The following IL16 variants were observed in gnomAD, a reference collection of about 807,000 sequenced individuals.
IL16 encodes pro-interleukin-16.
IL16 carries 67 observed loss-of-function variants against 110.1 expected under a neutral mutation model. That is an observed-to-expected ratio of 0.61 (90% CI 0.50 to 0.75). IL16 has a LOEUF of 0.75. Ranked by LOEUF, IL16 falls within the 30% of genes least tolerant of loss-of-function variation. IL16 has a pLI of 0.00. For synonymous variants in IL16, 689 were observed against 662.9 expected, an observed-to-expected ratio of 1.04 and a Z score of -0.61; for missense variants, 1,545 against 1,655.0, an observed-to-expected ratio of 0.93 and a Z score of 1.15.
At chr15:81,252,684 C>G (rs575590669) in intron 2 of IL16, among the ~76,000 whole-genome samples, 8 of 152,318 alleles carry the variant, frequency 5.3e-5, no homozygotes, top group African/African-American at 1.9e-4. Flanking sequence ...AATCCACTTT[C>G]TATCTATAGA....
chr15:81,259,493 C>G (rs927114689), intron 2 of IL16, among the ~76,000 whole-genome samples: 2 of 152,202 alleles, frequency 1.3e-5, no homozygotes, highest in Non-Finnish European at 2.9e-5. Context: ...TAACAAAGAA[C>G]TTGACATCTA....
rs1308897270 is a variant in IL16 at position 81,303,715 on chromosome 15, C to T, written c.3420+65C>T. On this transcript the variant is annotated intron_variant, in intron 16 of 18. Transcript: ENST00000683961. The surrounding 1 kb of genome is among the most constrained non-coding windows in gnomAD (Gnocchi z 4.1). ...AATGGTTCTGGGGGAGGGGGACACA[C>T]TTGCCAGGAAGGGGCCCTGTGCTGG... 13 of 1,104,606 alleles carry T rather than the reference C, an allele frequency of 1.2e-5. No homozygotes were observed. Among genetic ancestry groups the T allele is most frequent in the Non-Finnish European group, 1.8e-5 (13 of 720,354 alleles). 68.4% of individuals were successfully genotyped at this position (1,104,606 alleles called of 1,614,324 possible).
chr15:81,298,695 G>A (rs987444622), intron 13 of IL16, among the ~76,000 whole-genome samples: 4 of 152,228 alleles, frequency 2.6e-5, no homozygotes, highest in African/African-American at 4.8e-5. Context: ...CAGCTTTTGA[G>A]GGAGGGAAAA....
chr15:81,247,991 C>A (rs537053534), intron 2 of IL16, among the ~76,000 whole-genome samples: 56 of 152,224 alleles, frequency 3.7e-4, no homozygotes, highest in African/African-American at 1.2e-3. Flanking sequence ...AACCTTACTG[C>A]TTTTTGTCTG....
intron 1 of IL16, among the ~76,000 whole-genome samples, chr15:81,206,064 C>A (rs1259733551): frequency 6.6e-6 from 1 of 152,138 alleles, no homozygotes; most frequent in East Asian, 1.9e-4. Flanking sequence ...ATGTACACCA[C>A]TGTTAAGATT....
At chr15:81,203,626 A>G (rs1326426355) in intron 1 of IL16, among the ~76,000 whole-genome samples, 1 of 152,064 alleles carries the variant, frequency 6.6e-6, no homozygotes, top group Admixed American at 6.6e-5. Flanking sequence ...AAGATCAGAT[A>G]GTTGTAGATA....
intron 1 of IL16, among the ~76,000 whole-genome samples, chr15:81,191,747 G>A (rs1028702091): frequency 6.6e-6 from 1 of 152,226 alleles, no homozygotes; most frequent in Non-Finnish European, 1.5e-5. Context: ...AGATCTGGAA[G>A]TGGAACTTTC....
intron 1 of IL16, among the ~76,000 whole-genome samples, chr15:81,200,676 C>G (rs1895777301): frequency 6.6e-6 from 1 of 152,030 alleles, no homozygotes; most frequent in Admixed American, 6.6e-5. Context: ...TAGCCTAGGT[C>G]AAGATTTTAA....
chr15:81,190,990 C>T (rs1247810006), intron 1 of IL16, among the ~76,000 whole-genome samples: 1 of 152,188 alleles, frequency 6.6e-6, no homozygotes, highest in Non-Finnish European at 1.5e-5. Context: ...GACTAGAAAC[C>T]TTACGAGACT....
At chr15:81,257,071 C>T (rs972425766) in intron 2 of IL16, among the ~76,000 whole-genome samples, 9 of 152,214 alleles carry the variant, frequency 5.9e-5, no homozygotes, top group Non-Finnish European at 1.2e-4. Context: ...TTCAACTGAA[C>T]TCAACTACCT....
intron 5 of IL16, among the ~76,000 whole-genome samples, chr15:81,270,982 G>A (rs1056176284): frequency 2.0e-5 from 3 of 152,138 alleles, no homozygotes; most frequent in African/African-American, 7.2e-5. Flanking sequence ...GGGGGAGGAG[G>A]AGTTAGAGCC....
At position 81,301,379 on chromosome 15, in the gene IL16, C is replaced by T. The variant is rs149220649; in HGVS notation, c.3185C>T (p.Thr1062Met). 1.3e-5 allele frequency: 21 copies of T among 1,613,426 alleles called. No homozygotes were observed. The highest frequency in any genetic ancestry group is 4.4e-5 in the South Asian group (4 of 90,984). Residue 1062 changes from threonine to methionine, a missense_variant, in exon 15 of 19, where the codon ACG becomes ATG. Coordinates refer to ENST00000683961, the MANE Select transcript of IL16 (RefSeq NM_172217.5). ...CTGAGAGAATATACAGAGGGTCTCA[C>T]GGAAGCCAAGGAAGACGATGATGGG... ...SELREYTEGL[T>M]EAKEDDDGDH...
intron 12 of IL16, among the ~76,000 whole-genome samples, chr15:81,296,337 C>T (rs1899982010): frequency 6.6e-6 from 1 of 152,212 alleles, no homozygotes; most frequent in Non-Finnish European, 1.5e-5. Flanking sequence ...TGCATCCAGG[C>T]TCAGTGGTGG....
At chr15:81,222,958 A>C (rs1896669103) in intron 1 of IL16, among the ~76,000 whole-genome samples, 1 of 152,194 alleles carries the variant, frequency 6.6e-6, no homozygotes, top group Non-Finnish European at 1.5e-5. Flanking sequence ...GGGGCAGAGG[A>C]ACATTCACAA....
chr15:81,198,241 G>T (rs1488855262), intron 1 of IL16, among the ~76,000 whole-genome samples: 5 of 152,050 alleles, frequency 3.3e-5, no homozygotes, highest in Admixed American at 1.3e-4. Flanking sequence ...CAAGCCCCAG[G>T]CACCAAGCTA....
chr15:81,213,079 T>C (rs1224751759), intron 1 of IL16, among the ~76,000 whole-genome samples: 1 of 152,204 alleles, frequency 6.6e-6, no homozygotes, highest in African/African-American at 2.4e-5. Flanking sequence ...TTTGGTAAGT[T>C]GTATCCCTAT....
At chr15:81,258,730 G>GCTCTCTCTCTCTCT (rs145587698) in intron 2 of IL16, among the ~76,000 whole-genome samples, 14 of 147,730 alleles carry the variant, frequency 9.5e-5, no homozygotes, top group African/African-American at 2.5e-4. Context: ...TCGCGCACGC[G>GCTCTCTCTCTCTCT]CTCTCTCTCT....
intron 1 of IL16, among the ~76,000 whole-genome samples, chr15:81,189,509 T>G (rs1291085330): frequency 6.6e-6 from 1 of 152,100 alleles, no homozygotes; most frequent in Non-Finnish European, 1.5e-5. Context: ...GGTCTTGAAC[T>G]CCTGGCCTCA....
intron 1 of IL16, among the ~76,000 whole-genome samples, chr15:81,190,889 G>A (rs1895488628): frequency 6.6e-6 from 1 of 152,164 alleles, no homozygotes; most frequent in Non-Finnish European, 1.5e-5. Context: ...GATTGCTCAA[G>A]GTCAGGATTT....
Sources: allele counts gnomAD v4.1 joint callset (sites outside exome capture counted in the v4.1 genomes callset), GRCh38; gene constraint gnomAD v4.1.1; non-coding constraint Gnocchi (gnomAD v3.1); transcripts MANE v1.5; gene names NCBI Gene and HGNC (gene_info 2026-07-23, HGNC 2026-07-21).